The following ASTN2 variants were observed in gnomAD, a reference collection of about 807,000 sequenced individuals.
The protein encoded by ASTN2 is astrotactin-2.
Under a neutral mutation model 139.8 loss-of-function variants are expected in ASTN2, and 54 were observed. The ratio of observed to expected loss-of-function variants is 0.39; its 90% CI spans 0.31 to 0.48. The LOEUF is 0.48. Ranked by LOEUF, ASTN2 falls within the 20% of genes least tolerant of loss-of-function variation. The pLI, the probability that ASTN2 is intolerant of heterozygous loss-of-function variation, is 0.95. For missense variants in ASTN2, 1,565 were observed against 1,725.1 expected (o/e 0.91, Z 1.64); for synonymous variants, 756 against 719.5 (o/e 1.05, Z -0.81).
intron 19 of ASTN2, among the ~76,000 whole-genome samples, chr9:116,601,386 C>A (rs982274610): frequency 7.2e-5 from 11 of 152,000 alleles, no homozygotes; most frequent in African/African-American, 2.4e-4. Context: ...TATTGAGTGC[C>A]CATGGTATGC....
chr9:116,715,696 G>C (rs999256875), intron 16 of ASTN2, among the ~76,000 whole-genome samples: 2 of 152,148 alleles, frequency 1.3e-5, no homozygotes, highest in Non-Finnish European at 2.9e-5. Context: ...TCACCTATTA[G>C]TCTTTCCCAT....
intron 2 of ASTN2, among the ~76,000 whole-genome samples, chr9:117,237,615 G>A (rs1003876731): frequency 1.3e-4 from 20 of 152,084 alleles, no homozygotes; most frequent in African/African-American, 3.6e-4. Context: ...GAGTAGCTGG[G>A]ACTACAGGTG....
intron 3 of ASTN2, among the ~76,000 whole-genome samples, chr9:117,194,008 G>A (rs941011433): frequency 2.0e-5 from 3 of 152,084 alleles, no homozygotes; most frequent in Admixed American, 6.6e-5. Flanking sequence ...ATAGAGCATC[G>A]TACAGAAATA....
intron 2 of ASTN2, among the ~76,000 whole-genome samples, chr9:117,270,393 G>A (rs1221248443): frequency 6.6e-6 from 1 of 152,126 alleles, no homozygotes; most frequent in Non-Finnish European, 1.5e-5. Flanking sequence ...TTGATGTTAT[G>A]AATTTAACTA....
chr9:116,732,879 T>C (rs1828825853), intron 14 of ASTN2, among the ~76,000 whole-genome samples: 1 of 152,148 alleles, frequency 6.6e-6, no homozygotes, highest in South Asian at 2.1e-4. Flanking sequence ...TCTCTAAGTA[T>C]AGCTTCCTAA....
intron 11 of ASTN2, among the ~76,000 whole-genome samples, chr9:116,822,979 G>A (rs1455499718): frequency 1.3e-5 from 2 of 152,168 alleles, no homozygotes; most frequent in African/African-American, 2.4e-5. Flanking sequence ...CGATGTGGGG[G>A]TGGAACAGAG....
intron 14 of ASTN2, among the ~76,000 whole-genome samples, chr9:116,733,009 C>A (rs961961889): frequency 2.0e-5 from 3 of 152,208 alleles, no homozygotes; most frequent in African/African-American, 7.2e-5. Context: ...GAGTCCACTT[C>A]TTTTACTTTG....
At chr9:117,113,318 C>T (rs907978437) in intron 4 of ASTN2, among the ~76,000 whole-genome samples, 1 of 152,166 alleles carries the variant, frequency 6.6e-6, no homozygotes, top group South Asian at 2.1e-4. Flanking sequence ...TAGCAATAAG[C>T]TGCAACCAAC....
At chr9:116,972,873 G>A (rs139531185) in intron 10 of ASTN2, among the ~76,000 whole-genome samples, 3 of 152,072 alleles carry the variant, frequency 2.0e-5, no homozygotes, top group African/African-American at 4.8e-5. Context: ...GCTTTTCCAC[G>A]TAGTCTTTCC....
chr9:116,685,274 C>A (rs938214692), intron 16 of ASTN2, among the ~76,000 whole-genome samples: 1 of 152,188 alleles, frequency 6.6e-6, no homozygotes, highest in African/African-American at 2.4e-5. Context: ...GATTTCATCC[C>A]TGACCAACAG....
chr9:116,905,059 T>G (rs1369452974), intron 10 of ASTN2, among the ~76,000 whole-genome samples: 1 of 150,704 alleles, frequency 6.6e-6, no homozygotes, highest in Admixed American at 6.6e-5. Context: ...CTCCCAGCCT[T>G]GGGAGCCTCT....
chr9:117,172,465 A>G (rs1004628476), intron 3 of ASTN2, among the ~76,000 whole-genome samples: 2 of 152,180 alleles, frequency 1.3e-5, no homozygotes, highest in Non-Finnish European at 2.9e-5. Context: ...TGCAATTTAT[A>G]TGCACTGCAT....
At chr9:116,632,202 A>G (rs1399616468) in intron 17 of ASTN2, among the ~76,000 whole-genome samples, 2,664 of 33,844 alleles carry the variant, frequency 0.079, 100 homozygotes, top group East Asian at 0.13. Context: ...GAGAGAAAGA[A>G]AGAAAAGAAA....
chr9:116,879,683 G>C (rs1833402930), intron 10 of ASTN2, among the ~76,000 whole-genome samples: 1 of 152,224 alleles, frequency 6.6e-6, no homozygotes, highest in South Asian at 2.1e-4. Context: ...ATTTGTTTCG[G>C]ACAAATGAAT....
chr9:116,712,331 T>C (rs1002267403), intron 16 of ASTN2, among the ~76,000 whole-genome samples: 3 of 152,214 alleles, frequency 2.0e-5, no homozygotes, highest in African/African-American at 7.2e-5. Flanking sequence ...TTTATATTTC[T>C]CCCTCTAGCA....
At chr9:116,764,943 C>G (rs1359353608) in intron 13 of ASTN2, among the ~76,000 whole-genome samples, 2 of 152,186 alleles carry the variant, frequency 1.3e-5, no homozygotes, top group Admixed American at 6.5e-5. Flanking sequence ...ACCTTTGTAT[C>G]TGCATGTGCC....
In ASTN2 at chr9:116,948,790, T is replaced by TTTTTTTTGTTTTTTTTTG. The variant is rs1230389502; in HGVS notation, c.1889+26417_1889+26418insCAAAAAAAAACAAAAAAA. 3.9e-4 allele frequency among the ~76,000 whole-genome samples: 44 copies of TTTTTTTTGTTTTTTTTTG among 114,028 alleles called. 2 individuals are homozygous for TTTTTTTTGTTTTTTTTTG. Among genetic ancestry groups the TTTTTTTTGTTTTTTTTTG allele is most frequent in the Non-Finnish European group, 1.4e-4 (8 of 57,406 alleles). The allele number at this position is 114,028 out of a possible 152,430, so 74.8% of individuals were successfully genotyped here. A position where few individuals can be genotyped will look rare whatever the true frequency, so the allele number is the denominator to read the frequency against. On this transcript the variant is annotated intron_variant, in intron 10 of 22. Coordinates refer to ENST00000313400, the MANE Select transcript of ASTN2 (RefSeq NM_001365068.1). ...GAGGAGAGAAATAATTTGGTGTTTT[T>TTTTTTTTGTTTTTTTTTG]TTTTTTTTTTTTTTTTTTTTGAGAA...
chr9:117,141,625 C>T (rs1216126501), intron 3 of ASTN2, 147 bp from the exon 4 acceptor site: 4 of 568,768 alleles, frequency 7.0e-6, no homozygotes, highest in East Asian at 7.3e-5. Flanking sequence ...CCCTCCCTGA[C>T]CCATTGAAGA....
intron 19 of ASTN2, among the ~76,000 whole-genome samples, chr9:116,508,642 A>G (rs1050914008): frequency 6.6e-6 from 1 of 152,152 alleles, no homozygotes; most frequent in Non-Finnish European, 1.5e-5. Context: ...AGATGATTTT[A>G]GTTTTGCCTT....
Sources: gnomAD v4.1 joint callset for allele counts (sites outside exome capture counted in the v4.1 genomes callset) on GRCh38, gnomAD v4.1.1 for gene constraint, MANE v1.5 for transcripts, NCBI Gene and HGNC (gene_info 2026-07-23, HGNC 2026-07-21) for gene names.